Variants in WDR75 observed in about 807,000 individuals in gnomAD.
The protein encoded by WDR75 is WD repeat-containing protein 75.
Under a neutral mutation model 106.1 loss-of-function variants are expected in WDR75, and 52 were observed. The ratio of observed to expected loss-of-function variants is 0.49; its 90% confidence interval spans 0.39 to 0.62. WDR75 has a LOEUF of 0.62. Among genes scored for constraint, WDR75 ranks in the 20% least tolerant of loss-of-function variants. WDR75 has a pLI of 0.00. For missense variants in WDR75, 905 were observed against 970.3 expected, an observed-to-expected ratio of 0.93 and a Z score of 0.89; for synonymous variants, 333 against 335.5, an observed-to-expected ratio of 0.99 and a Z score of 0.08.
At chr2:189,446,988 G>A (rs567032937) in intron 1 of WDR75, among the ~76,000 whole-genome samples, 1 of 152,304 alleles carries the variant, frequency 6.6e-6, no homozygotes, top group South Asian at 2.1e-4. Context: ...GTCTACAGCA[G>A]AGAATGCTGG....
chr2:189,451,708 G>C, intron 3 of WDR75, 97 bp from the exon 4 acceptor site: 1 of 1,023,736 alleles, frequency 9.8e-7, no homozygotes, highest in Non-Finnish European at 1.5e-6. Flanking sequence ...TGGGAATACA[G>C]CAATGAGCAA....
At chr2:189,471,898 A>G (rs1189340322) in intron 18 of WDR75, among the ~76,000 whole-genome samples, 1 of 152,182 alleles carries the variant, frequency 6.6e-6, no homozygotes, top group African/African-American at 2.4e-5. Context: ...TGATTATTAT[A>G]GAGTTGTAGG....
chr2:189,449,796 C>G (rs1375330380), intron 2 of WDR75: 1 of 983,866 alleles, frequency 1.0e-6, no homozygotes, highest in Non-Finnish European at 1.2e-6. Context: ...AATTTTTTGA[C>G]TTGGATAGAT....
chr2:189,451,695 T>C (rs1686624904), intron 3 of WDR75, 110 bp from the exon 4 acceptor site: 2 of 848,086 alleles, frequency 2.4e-6, no homozygotes, highest in South Asian at 3.3e-5. Context: ...ACTCTCCTTA[T>C]GTTGGGAATA....
In WDR75 at chr2:189,475,382, A is replaced by T. The variant is rs1558991440; in HGVS notation, c.2458A>T (p.Arg820Trp). The T allele has an allele frequency of 6.2e-7, 1 of 1,612,110 alleles. No homozygotes were observed. The highest frequency in any genetic ancestry group is 8.5e-7 in the Non-Finnish European group (1 of 1,179,224). The change falls in exon 21 of 21, where the codon AGG (arginine) becomes TGG (tryptophan). Residue 820 changes from arginine to tryptophan, a missense_variant. Transcript: ENST00000314761. ...KSEEKELRKF[R>W]KIDYSWIAAL Reference sequence around the variant, plus strand: ...TGAAGAAAAAGAACTGAGAAAATTTAGGAAAATAGACTACAGCTGGATAGC... The same window carrying T: ...TGAAGAAAAAGAACTGAGAAAATTTTGGAAAATAGACTACAGCTGGATAGC...
chr2:189,455,953 T>C (rs1444575048), intron 5 of WDR75, among the ~76,000 whole-genome samples: 1 of 152,244 alleles, frequency 6.6e-6, no homozygotes, highest in Non-Finnish European at 1.5e-5. Flanking sequence ...TCATAAATTA[T>C]AACTGATGTT....
chr2:189,464,115 A>G (rs1686954041), intron 11 of WDR75, 154 bp downstream of exon 11: 1 of 688,844 alleles, frequency 1.5e-6, no homozygotes, highest in African/African-American at 1.8e-5. Flanking sequence ...AGTTGTTCAG[A>G]GCATAATTCC....
intron 18 of WDR75, among the ~76,000 whole-genome samples, chr2:189,472,393 A>G (rs931031127): frequency 5.9e-5 from 9 of 152,112 alleles, no homozygotes; most frequent in African/African-American, 2.2e-4. Context: ...ACTAAGGAGG[A>G]GCTAATTACT....
intron 6 of WDR75, among the ~76,000 whole-genome samples, 179 bp from the exon 7 acceptor site, chr2:189,458,574 T>C (rs79812772): frequency 0.065 from 9,848 of 152,260 alleles, 488 homozygotes; most frequent in African/African-American, 0.14. Flanking sequence ...GTTTACAAAA[T>C]AGAATGCTTG....
At position 189,441,505 on chromosome 2, in the gene WDR75, G is replaced by T; in HGVS notation, c.13G>T (p.Glu5Ter). The T allele has an allele frequency of 6.4e-7, 1 of 1,564,526 alleles. No individual in the cohort carries two copies. The highest frequency in any genetic ancestry group is 2.4e-5 in the East Asian group (1 of 42,380). MVEE[E>*]NIRVVRCGGS... is the part of the protein sequence containing the mutation. ...CTACTGCGCAAAGATGGTGGAGGAG[G>T]AGAACATCCGCGTGGTTCGTTGTGG... is the stretch of plus-strand genomic sequence containing the variant. Residue 5 changes from glutamate (E) to a stop codon, truncating the protein, a stop_gained, in exon 1 of 21, where the codon GAG (glutamate) becomes TAG (stop). Coordinates refer to ENST00000314761, the MANE Select transcript of WDR75 (RefSeq NM_032168.3). LOFTEE classifies it high-confidence loss of function.
chr2:189,464,757 G>A (rs1686966234), intron 11 of WDR75, among the ~76,000 whole-genome samples: 1 of 152,006 alleles, frequency 6.6e-6, no homozygotes, highest in South Asian at 2.1e-4. Flanking sequence ...AAAGCTGTTT[G>A]TTCTTAGAAA....
chr2:189,455,117 T>A (rs1453339951), intron 4 of WDR75, among the ~76,000 whole-genome samples: 1 of 152,008 alleles, frequency 6.6e-6, no homozygotes, highest in East Asian at 1.9e-4. Context: ...GTCACATGCC[T>A]GTAGTCCCAG....
chr2:189,451,674 G>A (rs947339957), intron 3 of WDR75, 131 bp from the exon 4 acceptor site: 1 of 700,530 alleles, frequency 1.4e-6, no homozygotes, highest in South Asian at 2.0e-5. Context: ...GTTGTCTTCT[G>A]TAGGCCAGGT....
At chr2:189,470,681 C>A (rs1415796421) in intron 17 of WDR75, 138 bp from the exon 18 acceptor site, 3 of 483,176 alleles carry the variant, frequency 6.2e-6, no homozygotes, top group East Asian at 6.9e-5. Context: ...AGGTTTAAAT[C>A]TTTTATTCCT....
intron 15 of WDR75, 121 bp from the exon 16 acceptor site, chr2:189,469,223 G>A (rs1687067888): frequency 1.3e-6 from 1 of 748,102 alleles, no homozygotes; most frequent in Non-Finnish European, 2.3e-6. Context: ...AATCATTTCA[G>A]TGTGTCTCCA....
At chr2:189,468,631 T>C in intron 15 of WDR75, 62 bp downstream of exon 15, 1 of 1,562,302 alleles carries the variant, frequency 6.4e-7, no homozygotes, top group Non-Finnish European at 8.8e-7. Context: ...CATTAAACTT[T>C]GGCATTTTAG....
At chr2:189,453,606 A>C (rs1686670801) in intron 4 of WDR75, among the ~76,000 whole-genome samples, 1 of 152,210 alleles carries the variant, frequency 6.6e-6, no homozygotes, top group South Asian at 2.1e-4. Flanking sequence ...GTTGTAATCT[A>C]AATTCTTCTC....
intron 18 of WDR75, among the ~76,000 whole-genome samples, chr2:189,473,005 G>A (rs1353818294): frequency 2.6e-5 from 4 of 152,058 alleles, no homozygotes; most frequent in Non-Finnish European, 5.9e-5. Context: ...ATCACTTGAG[G>A]TCAGGAGTTC....
At chr2:189,448,584 G>A (rs961827736) in intron 2 of WDR75, 76 bp downstream of exon 2, 1 of 1,554,106 alleles carries the variant, frequency 6.4e-7, no homozygotes, top group East Asian at 2.3e-5. Flanking sequence ...GAATTTGACT[G>A]AGAAACTTTC....
Sources: gnomAD v4.1 joint callset for allele counts (sites outside exome capture counted in the v4.1 genomes callset) on GRCh38, gnomAD v4.1.1 for gene constraint, MANE v1.5 for transcripts, NCBI Gene and HGNC (gene_info 2026-07-23, HGNC 2026-07-21) for gene names.